The following SBF2 variants were observed in gnomAD, a reference collection of about 807,000 sequenced individuals.
SBF2 encodes the protein myotubularin-related protein 13.
SBF2 carries 112 observed loss-of-function variants against 225.2 expected under a neutral mutation model. That is an observed-to-expected ratio of 0.50 (90% confidence interval 0.43 to 0.58). SBF2 has a LOEUF of 0.58. Among genes scored for constraint, SBF2 ranks in the 20% least tolerant of loss-of-function variants. SBF2 has a pLI of 0.00. For missense variants in SBF2, 1,996 were observed against 2,206.2 expected (o/e 0.90, Z 1.91); for synonymous variants, 763 against 773.3 (o/e 0.99, Z 0.22).
intron 32 of SBF2, among the ~76,000 whole-genome samples, chr11:9,796,213 G>A (rs1202646051): frequency 6.6e-6 from 1 of 151,958 alleles, no homozygotes; most frequent in African/African-American, 2.4e-5. Context: ...TAGCAAGAGA[G>A]GCATTATTAT....
chr11:9,879,391 A>G (rs1859550243), intron 17 of SBF2, among the ~76,000 whole-genome samples: 1 of 152,092 alleles, frequency 6.6e-6, no homozygotes, highest in Non-Finnish European at 1.5e-5. Flanking sequence ...TCTAATTCCT[A>G]TCTTCAGGCT....
At chr11:10,097,002 T>C (rs1952050406) in intron 2 of SBF2, among the ~76,000 whole-genome samples, 1 of 152,206 alleles carries the variant, frequency 6.6e-6, no homozygotes, top group Non-Finnish European at 1.5e-5. Context: ...ACTATTCTCA[T>C]TGCTATGGTC....
In SBF2 at chr11:9,853,686, T is replaced by C. The variant is rs752504572; in HGVS notation, c.2390A>G (p.Tyr797Cys). The C allele has an allele frequency of 1.2e-5, 20 of 1,613,922 alleles. No homozygotes were observed. In the East Asian group the frequency reaches 2.7e-4, roughly 22 times the overall value. ...ATCTTCAAACCCACTCTCTGTATCA[T>C]AGCTCTCAGCTACACTTCCTGCAAT... is the stretch of plus-strand genomic sequence containing the variant. ...NSIAGSVAES[Y>C]DTESGFEDSE... is the part of the protein sequence containing the mutation. Residue 797 changes from tyrosine to cysteine, a missense_variant, in exon 20 of 40, where the codon TAT becomes TGT. Transcript: ENST00000256190.
chr11:10,268,151 T>C (rs1261633030), intron 1 of SBF2, among the ~76,000 whole-genome samples: 1 of 152,234 alleles, frequency 6.6e-6, no homozygotes, highest in Non-Finnish European at 1.5e-5. Flanking sequence ...AAGTTTGTTC[T>C]GACACTTGAT....
intron 3 of SBF2, among the ~76,000 whole-genome samples, chr11:10,039,953 T>C (rs918398185): frequency 1.3e-5 from 2 of 151,632 alleles, no homozygotes; most frequent in Non-Finnish European, 2.9e-5. Flanking sequence ...CCTGAATCCA[T>C]GTATCTGTAG....
intron 26 of SBF2, among the ~76,000 whole-genome samples, chr11:9,835,182 AC>A (rs2133942995): frequency 6.6e-6 from 1 of 152,268 alleles, no homozygotes; most frequent in African/African-American, 2.4e-5. Context: ...TGTTGTGGAA[AC>A]TTTTTAATTC....
intron 2 of SBF2, among the ~76,000 whole-genome samples, chr11:10,118,715 T>G (rs1953285303): frequency 6.6e-6 from 1 of 152,020 alleles, no homozygotes; most frequent in South Asian, 2.1e-4. Flanking sequence ...AGAGATGACA[T>G]AATTGAATGA....
At chr11:10,192,771 T>C (rs557360273) in intron 2 of SBF2, among the ~76,000 whole-genome samples, 139 of 152,272 alleles carry the variant, frequency 9.1e-4, no homozygotes, top group African/African-American at 3.2e-3. Flanking sequence ...CTCTTAAGTA[T>C]CATGTTATAC....
chr11:10,161,184 C>CAAAAAAAAA (rs56779207), intron 2 of SBF2, among the ~76,000 whole-genome samples: 20 of 75,348 alleles, frequency 2.7e-4, no homozygotes, highest in African/African-American at 1.1e-3. Context: ...GACTCTGTCT[C>CAAAAAAAAA]AAAAAAAAAA....
chr11:10,224,483 C>G (rs1166114848), intron 1 of SBF2, among the ~76,000 whole-genome samples: 1 of 152,152 alleles, frequency 6.6e-6, no homozygotes, highest in Non-Finnish European at 1.5e-5. Context: ...ACTAAGCTTA[C>G]AAGATCTGTA....
intron 1 of SBF2, among the ~76,000 whole-genome samples, chr11:10,252,666 C>T (rs572737579): frequency 6.6e-6 from 1 of 151,926 alleles, no homozygotes; most frequent in Non-Finnish European, 1.5e-5. Context: ...AAAAATTAGC[C>T]GGGCATGGTG....
intron 2 of SBF2, among the ~76,000 whole-genome samples, chr11:10,186,182 T>A (rs1360752181): frequency 6.6e-6 from 1 of 152,220 alleles, no homozygotes; most frequent in African/African-American, 2.4e-5. Flanking sequence ...GGGAGAGATA[T>A]ACAGAGTGAG....
Position 9,829,498 on chromosome 11 carries a change from TATAAAAGGAAA to T in SBF2, c.3653-13_3653-3del. On this transcript the variant is annotated splice_polypyrimidine_tract_variant and splice_region_variant and intron_variant, in intron 27 of 39. Coordinates refer to ENST00000256190, the MANE Select transcript of SBF2 (RefSeq NM_030962.4). ...AAGATTCTAAAGAGGAGGTAGGAGC[TATAAAAGGAAA>T]ATATATTGAATAAAATAAACTGTCT... 1 of 1,602,964 alleles carries T rather than the reference TATAAAAGGAAA, an allele frequency of 6.2e-7. No homozygotes were observed. The highest frequency in any genetic ancestry group is 8.5e-7 in the Non-Finnish European group (1 of 1,169,970).
intron 12 of SBF2, 134 bp from the exon 13 acceptor site, chr11:9,989,729 T>A (rs1947345608): frequency 1.6e-6 from 1 of 623,880 alleles, no homozygotes; most frequent in South Asian, 2.1e-5. Flanking sequence ...TATTTCAGGT[T>A]TTGGGGTTTC....
chr11:10,019,066 T>C (rs1435532494), intron 6 of SBF2, among the ~76,000 whole-genome samples: 2 of 152,184 alleles, frequency 1.3e-5, no homozygotes, highest in African/African-American at 4.8e-5. Context: ...TACCTGTTTT[T>C]CCATTAGGCT....
chr11:9,984,317 T>A (rs1247871374), intron 13 of SBF2, among the ~76,000 whole-genome samples: 1 of 151,972 alleles, frequency 6.6e-6, no homozygotes, highest in African/African-American at 2.4e-5. Context: ...ACTGAACAAG[T>A]AGAAGAAAGA....
chr11:9,870,374 CAA>C (rs1187543879), intron 17 of SBF2, among the ~76,000 whole-genome samples: 2 of 152,034 alleles, frequency 1.3e-5, no homozygotes, highest in East Asian at 3.9e-4. Context: ...CACATGGAAC[CAA>C]AAAAGAGCCT....
chr11:10,091,497 ACATAAAGAAAGTGCTC>A (rs1456247652), intron 2 of SBF2, among the ~76,000 whole-genome samples: 1 of 152,218 alleles, frequency 6.6e-6, no homozygotes, highest in African/African-American at 2.4e-5. Flanking sequence ...ATAATTCTGT[ACATAAAGAAAGTGCTC>A]CATAAAGACC....
intron 9 of SBF2, among the ~76,000 whole-genome samples, chr11:9,996,226 C>T (rs1487032065): frequency 6.6e-6 from 1 of 152,106 alleles, no homozygotes; most frequent in Non-Finnish European, 1.5e-5. Flanking sequence ...TAGTAAGTAA[C>T]CACACATAAG....
Sources: gnomAD v4.1 joint callset for allele counts (sites outside exome capture counted in the v4.1 genomes callset) on GRCh38, gnomAD v4.1.1 for gene constraint, MANE v1.5 for transcripts, NCBI Gene and HGNC (gene_info 2026-07-23, HGNC 2026-07-21) for gene names.